Variants in SUZ12 observed in about 807,000 individuals in gnomAD.
The protein encoded by SUZ12 is polycomb protein SUZ12.
SUZ12 carries 17 observed loss-of-function variants against 87.3 expected under a neutral mutation model. That is an observed-to-expected ratio of 0.19 (90% CI 0.13 to 0.29). The LOEUF (loss-of-function observed/expected upper bound fraction) is 0.29. SUZ12 is among the 10% of genes least tolerant of loss of function. The pLI is 1.00. For synonymous variants in SUZ12, 253 were observed against 312.4 expected, an observed-to-expected ratio of 0.81 and a Z score of 2.01; for missense variants, 526 against 912.2, an observed-to-expected ratio of 0.58 and a Z score of 5.45.
intron 4 of SUZ12, among the ~76,000 whole-genome samples, chr17:31,952,909 C>T (rs1376094438): frequency 6.6e-6 from 1 of 152,128 alleles, no homozygotes; most frequent in African/African-American, 2.4e-5. Context: ...CTGAGTGCAT[C>T]TCCATGGACT....
intron 6 of SUZ12, among the ~76,000 whole-genome samples, chr17:31,973,481 T>C (rs1318688853): frequency 6.6e-6 from 1 of 152,246 alleles, no homozygotes; most frequent in Non-Finnish European, 1.5e-5. Flanking sequence ...AGCTATGTTT[T>C]AGCATCTGGC....
chr17:31,971,149 A>G (rs1165832784), intron 5 of SUZ12, among the ~76,000 whole-genome samples: 2 of 152,178 alleles, frequency 1.3e-5, no homozygotes, highest in African/African-American at 4.8e-5. Flanking sequence ...CTGTAGAGAA[A>G]TTCTGGGGAA....
chr17:31,971,899 T>G, intron 5 of SUZ12, among the ~76,000 whole-genome samples: 1 of 152,174 alleles, frequency 6.6e-6, no homozygotes, highest in Middle Eastern at 3.2e-3. Context: ...GAGAATCACT[T>G]GAGCCCAGAA....
At chr17:31,991,894 C>T (rs945129085) in intron 10 of SUZ12, among the ~76,000 whole-genome samples, 4 of 152,002 alleles carry the variant, frequency 2.6e-5, no homozygotes, top group African/African-American at 7.2e-5. Flanking sequence ...GCCACCGTGC[C>T]CAGCCTGAAA....
At chr17:31,965,860 T>A (rs1908053274) in intron 4 of SUZ12, 3 of 260,540 alleles carry the variant, frequency 1.2e-5, no homozygotes, top group East Asian at 1.4e-4. Context: ...TCCAACTTGG[T>A]AGTCTGATTT....
chr17:31,995,862 T>TA (rs1220841671), intron 14 of SUZ12, 100 bp downstream of exon 14: 15,062 of 687,006 alleles, frequency 0.022, 2 homozygotes, highest in East Asian at 0.047. Context: ...GAACTTTTTT[T>TA]AAAAAAAAAA....
intron 10 of SUZ12, 84 bp downstream of exon 10, chr17:31,988,581 G>A (rs1446271331): frequency 7.6e-6 from 10 of 1,323,212 alleles, no homozygotes; most frequent in Non-Finnish European, 1.0e-5. Context: ...TTTGTGTTTT[G>A]CTTTATGTGA....
At chr17:31,969,070 A>G (rs1356897007) in intron 5 of SUZ12, among the ~76,000 whole-genome samples, 1 of 152,166 alleles carries the variant, frequency 6.6e-6, no homozygotes, top group African/African-American at 2.4e-5. Flanking sequence ...CTCTGCCTCC[A>G]GGTTCAAGTG....
chr17:31,991,740 G>A (rs1211753967), intron 10 of SUZ12, among the ~76,000 whole-genome samples: 1 of 151,860 alleles, frequency 6.6e-6, no homozygotes, highest in Non-Finnish European at 1.5e-5. Context: ...AAGTAGCTGG[G>A]ACTACAGGTG....
chr17:31,955,012 G>GTT (rs1907226082), intron 4 of SUZ12, among the ~76,000 whole-genome samples: 1 of 152,064 alleles, frequency 6.6e-6, no homozygotes. Context: ...TAAGAGGTGG[G>GTT]GTCTTGTTCT....
intron 3 of SUZ12, among the ~76,000 whole-genome samples, chr17:31,941,353 T>C (rs111347192): frequency 0.049 from 7,404 of 151,772 alleles, 580 homozygotes; most frequent in African/African-American, 0.17. Flanking sequence ...GCCTCCTGGG[T>C]TTAAACGATT....
Position 31,937,477 on chromosome 17 carries a change from G to A in SUZ12, c.231G>A (p.Glu77=). ...TACCGGTGAAGAAGCCGAAAATGGAGCACGTCCAGGCTGACCACGAGCTTT... is the reference window on the plus strand; with the variant it reads ...TACCGGTGAAGAAGCCGAAAATGGAACACGTCCAGGCTGACCACGAGCTTT... The part of the protein sequence containing the change: ...AVLPVKKPKM[E]HVQADHELFL... Residue 77 remains glutamate, a synonymous_variant, in exon 1 of 16, where the codon GAG becomes GAA. Transcript: ENST00000322652. The A allele has an allele frequency of 1.3e-6, 2 of 1,540,838 alleles. No individual in the cohort carries two copies. The highest frequency in any genetic ancestry group is 1.7e-6 in the Non-Finnish European group (2 of 1,145,462).
At position 31,975,687 on chromosome 17, in the gene SUZ12, T is replaced by C. The variant is rs1406461243; in HGVS notation, c.797T>C (p.Ile266Thr). 1 of 1,611,064 alleles carries C rather than the reference T, an allele frequency of 6.2e-7. No homozygotes were observed. The highest frequency in any genetic ancestry group is 1.3e-5 in the African/African-American group (1 of 74,910). ...GGAAGAAGAGAGTTTAATGGAATGA[T>C]TAATGGAGAAACCAATGAAAATATT... ...RPGRREFNGMINGETNENIDV... is the reference protein window; with the variant it reads ...RPGRREFNGMTNGETNENIDV... Residue 266 changes from isoleucine (I) to threonine (T), a missense_variant, in exon 7 of 16, where the codon ATT (isoleucine) becomes ACT (threonine). Ile to Thr is a moderately conservative substitution (Grantham distance 89). This residue lies in a region of SUZ12 where 73 missense variants were observed against 133.8 expected (regional missense o/e 0.55). Coordinates refer to ENST00000322652, the MANE Select transcript of SUZ12 (RefSeq NM_015355.4).
rs181062574 is a variant in SUZ12, at chr17:31,990,116, G to A, written c.1201+1619G>A. On this transcript the variant is annotated intron_variant, in intron 10 of 15. Coordinates refer to ENST00000322652, the MANE Select transcript of SUZ12 (RefSeq NM_015355.4). ...ACTACAGGCGCCGGCCACCATGCCC[G>A]GCTAATTTTTTTTTTTTTTTTTTTT... 9.6e-3 allele frequency among the ~76,000 whole-genome samples: 1,319 copies of A among 136,762 alleles called. 10 individuals carry two copies. The highest frequency in any genetic ancestry group is 0.014 in the Non-Finnish European group (918 of 64,616). The allele number at this position is 136,762 out of a possible 152,430, so 89.7% of individuals were successfully genotyped here. A position where few individuals can be genotyped will look rare whatever the true frequency, so the allele number is the denominator to read the frequency against.
At chr17:31,951,242 G>C (rs1906960228) in intron 4 of SUZ12, among the ~76,000 whole-genome samples, 1 of 152,092 alleles carries the variant, frequency 6.6e-6, no homozygotes, top group South Asian at 2.1e-4. Context: ...GGGGTATCAA[G>C]ATAAAAATAC....
chr17:31,983,286 T>TTTTTG (rs1909217736), intron 9 of SUZ12, among the ~76,000 whole-genome samples, 182 bp downstream of exon 9: 1 of 150,534 alleles, frequency 6.6e-6, no homozygotes, highest in African/African-American at 2.5e-5. Flanking sequence ...TTTTTTTTTT[T>TTTTTG]TTTTTTTGAG....
intron 5 of SUZ12, chr17:31,967,717 A>G (rs1187561062): frequency 6.6e-6 from 1 of 152,152 alleles, no homozygotes; most frequent in Non-Finnish European, 1.5e-5. Context: ...CTCTACAAAA[A>G]TTAGCCAGGT....
At chr17:31,974,471 G>C (rs146124301) in intron 6 of SUZ12, among the ~76,000 whole-genome samples, 5 of 152,106 alleles carry the variant, frequency 3.3e-5, no homozygotes, top group African/African-American at 1.2e-4. Flanking sequence ...AGCTTGCAGC[G>C]AGCCGAGATC....
At chr17:31,940,523 C>T (rs772392730) in intron 3 of SUZ12, 37 bp downstream of exon 3, 6 of 1,507,670 alleles carry the variant, frequency 4.0e-6, no homozygotes, top group East Asian at 2.3e-5. Context: ...CTGATCAAAC[C>T]ATGTTAGTTT....
Sources: allele counts gnomAD v4.1 joint callset (sites outside exome capture counted in the v4.1 genomes callset), GRCh38; gene constraint gnomAD v4.1.1; regional missense constraint gnomAD v4.1.1; transcripts MANE v1.5; gene names NCBI Gene and HGNC (gene_info 2026-07-23, HGNC 2026-07-21).